Variants in TRPM2 observed in about 807,000 individuals in gnomAD.
TRPM2 encodes the protein estrogen-responsive element-associated gene 1 protein.
TRPM2 carries 161 observed loss-of-function variants against 174.0 expected under a neutral mutation model. That is an observed-to-expected ratio of 0.93 (90% confidence interval 0.81 to 1.05). The LOEUF (loss-of-function observed/expected upper bound fraction) is 1.05, where lower values mean the gene tolerates loss of function less well. TRPM2 is among the 50% of genes least tolerant of loss of function. The probability of loss-of-function intolerance (pLI) is 0.00; values close to 1 mark genes in which losing one functional copy is unlikely to be tolerated. For synonymous variants in TRPM2, 954 were observed against 861.3 expected (o/e 1.11, Z -1.88); for missense variants, 2,057 against 2,038.0 (o/e 1.01, Z -0.18).
intron 24 of TRPM2, 85 bp downstream of exon 24, chr21:44,425,024 G>C (rs2050702625): frequency 1.6e-6 from 2 of 1,234,834 alleles, no homozygotes; most frequent in Non-Finnish European, 2.3e-6. Context: ...AGGCAGCTGG[G>C]GGTGGGGGGC....
At chr21:44,416,957 T>A (rs1486550832) in intron 20 of TRPM2, among the ~76,000 whole-genome samples, 24 of 118,746 alleles carry the variant, frequency 2.0e-4, no homozygotes, top group South Asian at 3.1e-4. Context: ...AGTGGGCACG[T>A]GGGCGTGGCT....
intron 3 of TRPM2, 52 bp downstream of exon 3, chr21:44,364,334 A>T (rs2048299104): frequency 6.3e-7 from 1 of 1,593,290 alleles, no homozygotes; most frequent in Non-Finnish European, 8.6e-7. Flanking sequence ...GCATGGCCCC[A>T]CAGTGACACG....
intron 18 of TRPM2, among the ~76,000 whole-genome samples, chr21:44,406,321 G>A (rs1038056982): frequency 7.4e-5 from 11 of 148,748 alleles, no homozygotes; most frequent in African/African-American, 1.3e-4. Context: ...ATGTCTGACC[G>A]CACTCATTCC....
rs772083172 is a variant in TRPM2 at position 44,439,033 on chromosome 21, C to T, written c.4168-34C>T. The T allele has an allele frequency of 4.4e-6, 7 of 1,584,768 alleles. No individual in the cohort carries two copies. Among genetic ancestry groups the T allele is most frequent in the East Asian group, 2.2e-5 (1 of 44,644 alleles). On this transcript the variant is annotated intron_variant, in intron 29 of 31. Transcript: ENST00000397928. The surrounding 1 kb of genome is among the most constrained non-coding windows in gnomAD (Gnocchi z 5.1). Reference sequence around the variant, plus strand: ...GCAGCCTGAGGTCCCGCTTCGGTGCCCTGTTGACCTGCCTCCGTCCTCTGT... The same window carrying T: ...GCAGCCTGAGGTCCCGCTTCGGTGCTCTGTTGACCTGCCTCCGTCCTCTGT...
At position 44,401,741 on chromosome 21, in the gene TRPM2, AC is replaced by A. The variant is rs1178952040; in HGVS notation, c.2385del (p.Val796TrpfsTer6). On this transcript the variant is annotated frameshift_variant, in exon 16 of 32. Coordinates refer to ENST00000397928, the MANE Select transcript of TRPM2 (RefSeq NM_003307.4). LOFTEE classifies it high-confidence loss of function. The part of the protein sequence containing the change: ...AARARAFFTA[P>X]VVVFHLNILS... ...CCCGCGCCCGTGCCTTCTTCACCGCACCCGTGGTGGTCTTCCACCTGAACAT... is the reference window on the plus strand; with the variant it reads ...CCCGCGCCCGTGCCTTCTTCACCGCACCGTGGTGGTCTTCCACCTGAACAT... 2 of 1,613,378 alleles carry A rather than the reference AC, an allele frequency of 1.2e-6. No homozygotes were observed. Among genetic ancestry groups the A allele is most frequent in the Admixed American group, 1.7e-5 (1 of 60,008 alleles).
At chr21:44,431,300 C>CTT (rs75104915) in intron 27 of TRPM2, among the ~76,000 whole-genome samples, 1 of 144,824 alleles carries the variant, frequency 6.9e-6, no homozygotes, top group South Asian at 2.2e-4. Flanking sequence ...TTGTTTTGCT[C>CTT]TTTTTTTTTT....
intron 2 of TRPM2, among the ~76,000 whole-genome samples, chr21:44,355,556 A>C (rs543180744): frequency 2.8e-4 from 43 of 151,972 alleles, no homozygotes; most frequent in African/African-American, 1.0e-3. Context: ...CTCCTACCGC[A>C]CCGTGTGTTT....
At chr21:44,403,001 C>T (rs1217189921) in intron 16 of TRPM2, among the ~76,000 whole-genome samples, 1 of 152,150 alleles carries the variant, frequency 6.6e-6, no homozygotes, top group Non-Finnish European at 1.5e-5. Flanking sequence ...CCGGCGTCCC[C>T]AGGAAGGAAG....
intron 22 of TRPM2, 35 bp downstream of exon 22, chr21:44,418,590 C>T (rs373441650): frequency 1.2e-6 from 2 of 1,610,454 alleles, no homozygotes; most frequent in African/African-American, 2.7e-5. Context: ...GGGCGGGAAG[C>T]CTCTGGGGGA....
chr21:44,436,201 C>T (rs1481593839), intron 28 of TRPM2, among the ~76,000 whole-genome samples: 3 of 152,202 alleles, frequency 2.0e-5, no homozygotes, highest in African/African-American at 7.2e-5. Flanking sequence ...GGTGCAGACG[C>T]CTGCGTCCCT....
In TRPM2 at chr21:44,366,668, G is replaced by A; in HGVS notation, c.424-86G>A. ...GGTGTGCGGTGTCTGCCGCCCGCTG[G>A]GGCCTCTCTGCATGGCCTGTGTGGG... On this transcript the variant is annotated intron_variant, in intron 3 of 31. Transcript: ENST00000397928. This position sits in a 1 kb window ranked among gnomAD's most constrained non-coding sequence, Gnocchi z 6.0. The A allele has an allele frequency of 6.3e-7, 1 of 1,587,220 alleles. No individual in the cohort carries two copies. The highest frequency in any genetic ancestry group is 2.2e-5 in the East Asian group (1 of 44,570).
At chr21:44,359,662 C>T (rs746339678) in intron 2 of TRPM2, among the ~76,000 whole-genome samples, 23 of 144,562 alleles carry the variant, frequency 1.6e-4, no homozygotes, top group South Asian at 8.5e-4. Flanking sequence ...TTTTACAGAG[C>T]GCTGATTGGT....
chr21:44,436,875 A>C (rs575056162), intron 28 of TRPM2, among the ~76,000 whole-genome samples, 187 bp from the exon 29 acceptor site: 1 of 152,292 alleles, frequency 6.6e-6, no homozygotes, highest in South Asian at 2.1e-4. Flanking sequence ...GAAGTGAAGA[A>C]GGACGTCCCC....
At position 44,379,320 on chromosome 21, in the gene TRPM2, C is replaced by T. The variant is rs2048806310; in HGVS notation, c.1215+123C>T. ...GAACCCACTGGGTCTGAGTGGGTGC[C>T]AGAGCGATTTGCAGAGGGCAGGGCC... On this transcript the variant is annotated intron_variant, in intron 8 of 31. Coordinates refer to ENST00000397928, the MANE Select transcript of TRPM2 (RefSeq NM_003307.4). 5 of 1,186,192 alleles carry T rather than the reference C, an allele frequency of 4.2e-6. No individual in the cohort carries two copies. The Admixed American group carries it at 1.0e-4, about 25-fold the overall frequency. 73.5% of individuals were successfully genotyped at this position (1,186,192 alleles called of 1,614,324 possible).
intron 21 of TRPM2, 102 bp from the exon 22 acceptor site, chr21:44,418,321 C>G (rs965651457): frequency 1.1e-5 from 16 of 1,504,056 alleles, no homozygotes; most frequent in Middle Eastern, 2.2e-4. Context: ...TCCTGCCACT[C>G]AGGACTGGCC....
rs957812565 is a variant in TRPM2 at position 44,437,150 on chromosome 21, C to A, written c.4150C>A (p.His1384Asn). 1.3e-5 allele frequency: 20 copies of A among 1,551,196 alleles called. No individual in the cohort carries two copies. The highest frequency in any genetic ancestry group is 1.7e-5 in the Non-Finnish European group (19 of 1,146,882). ...VLVVKLPLSE[H>N]WALPGGSREP... ...GGTGGTGAAGCTCCCTCTCTCCGAG[C>A]ACTGGGCCCTGCCTGGGGTAAGGCT... The change falls in exon 29 of 32, where the codon CAC (histidine) becomes AAC (asparagine). Residue 1384 changes from histidine to asparagine, a missense_variant. Transcript: ENST00000397928.
Position 44,436,580 on chromosome 21 carries a change from C to A in TRPM2, c.4062-482C>A, listed in dbSNP as rs2051277837. On this transcript the variant is annotated intron_variant, in intron 28 of 31. Coordinates refer to ENST00000397928, the MANE Select transcript of TRPM2 (RefSeq NM_003307.4). ...GGCACCCCACGTCACCCCCATGTCA[C>A]CCCCATGTCAACCCTGGGCTGCACT... Among the ~76,000 whole-genome samples the A allele has an allele frequency of 4.9e-5, 6 of 122,582 alleles. No individual in the cohort carries two copies. The South Asian group carries it at 1.8e-3, about 36-fold the overall frequency. 80.4% of individuals were successfully genotyped at this position (122,582 alleles called of 152,430 possible). A position where few individuals can be genotyped will look rare whatever the true frequency, so the allele number is the denominator to read the frequency against.
intron 2 of TRPM2, among the ~76,000 whole-genome samples, chr21:44,355,684 G>A (rs1390591766): frequency 1.3e-5 from 2 of 152,118 alleles, no homozygotes; most frequent in East Asian, 1.9e-4. Flanking sequence ...TTCCCAGAGA[G>A]TGGCCTTCAG....
In TRPM2 at chr21:44,379,037, T is replaced by G; in HGVS notation, c.1055T>G (p.Val352Gly). The G allele has an allele frequency of 6.2e-7, 1 of 1,609,856 alleles. No individual in the cohort carries two copies. The highest frequency in any genetic ancestry group is 8.5e-7 in the Non-Finnish European group (1 of 1,179,950). Residue 352 changes from valine to glycine, a missense_variant, in exon 8 of 32, where the codon GTT becomes GGT. Val to Gly is a moderately radical substitution (Grantham distance 109). Transcript: ENST00000397928. ...NATTNGTPCV[V>G]VEGSGRVADV... ...ACCACCAACGGCACCCCCTGTGTGG[T>G]TGTGGAGGGCTCGGGCCGCGTGGCC...
Sources: allele counts gnomAD v4.1 joint callset (sites outside exome capture counted in the v4.1 genomes callset), GRCh38; gene constraint gnomAD v4.1.1; non-coding constraint Gnocchi (gnomAD v3.1); transcripts MANE v1.5; gene names NCBI Gene and HGNC (gene_info 2026-07-23, HGNC 2026-07-21).